The following KIF6 variants were observed in gnomAD, a reference collection of about 807,000 sequenced individuals.
KIF6 encodes kinesin-like protein KIF6.
In KIF6, 106 loss-of-function variants were observed where a neutral mutation model predicts 112.7. The ratio of observed to expected loss-of-function variants is 0.94; its 90% CI spans 0.80 to 1.11. The LOEUF is 1.11. KIF6 is among the 50% of genes least tolerant of loss of function. The pLI is 0.00. For synonymous variants in KIF6, 339 were observed against 339.9 expected (o/e 1.00, Z 0.03); for missense variants, 929 against 964.0 (o/e 0.96, Z 0.48).
chr6:39,358,510 G>GT (rs1764883363), intron 18 of KIF6, among the ~76,000 whole-genome samples: 1 of 152,220 alleles, frequency 6.6e-6, no homozygotes, highest in South Asian at 2.1e-4. Flanking sequence ...CGCTGTCTCT[G>GT]TAAGTCATAC....
intron 9 of KIF6, chr6:39,583,583 G>A (rs898691553): frequency 1.6e-5 from 7 of 427,782 alleles, no homozygotes. Context: ...ACAATCAAGA[G>A]GAAGTAATTA....
intron 13 of KIF6, among the ~76,000 whole-genome samples, chr6:39,512,432 A>C (rs1776836318): frequency 6.6e-6 from 1 of 152,144 alleles, no homozygotes; most frequent in African/African-American, 2.4e-5. Context: ...GGAGTCTCCA[A>C]GGCCTCCCAC....
chr6:39,489,366 A>G (rs1775322608), intron 13 of KIF6, among the ~76,000 whole-genome samples: 1 of 152,086 alleles, frequency 6.6e-6, no homozygotes, highest in Non-Finnish European at 1.5e-5. Context: ...GGTCATCGCA[A>G]TAGACTTTAG....
At chr6:39,472,709 C>T (rs1270176902) in intron 13 of KIF6, among the ~76,000 whole-genome samples, 1 of 152,140 alleles carries the variant, frequency 6.6e-6, no homozygotes, top group Admixed American at 6.5e-5. Flanking sequence ...AAATAAAATA[C>T]TCCAGGTTTT....
chr6:39,544,755 A>G (rs867770158), intron 11 of KIF6, 62 bp from the exon 12 acceptor site: 2 of 1,045,144 alleles, frequency 1.9e-6, no homozygotes, highest in Middle Eastern at 3.2e-4. Flanking sequence ...TGTTTCTTTG[A>G]CTCTTTTTCC....
At chr6:39,614,594 T>C (rs1783405050) in intron 5 of KIF6, among the ~76,000 whole-genome samples, 1 of 152,320 alleles carries the variant, frequency 6.6e-6, no homozygotes, top group South Asian at 2.1e-4. Context: ...CTGTGACCAA[T>C]ATGTCACTAA....
chr6:39,651,435 C>T (rs796600318), intron 3 of KIF6, among the ~76,000 whole-genome samples: 10 of 152,270 alleles, frequency 6.6e-5, no homozygotes, highest in African/African-American at 2.4e-4. Flanking sequence ...TGGCTGCCGT[C>T]AGTGTGGTGG....
chr6:39,666,354 A>T (rs542009736), intron 3 of KIF6, among the ~76,000 whole-genome samples: 103 of 152,336 alleles, frequency 6.8e-4, no homozygotes, highest in African/African-American at 2.5e-3. Flanking sequence ...ATAAACAAGC[A>T]TATCAGTTCT....
intron 13 of KIF6, among the ~76,000 whole-genome samples, chr6:39,440,168 C>T (rs1384368555): frequency 6.6e-6 from 1 of 151,884 alleles, no homozygotes; most frequent in Non-Finnish European, 1.5e-5. Flanking sequence ...GGGTTTGGAA[C>T]ACACTGTTTG....
intron 22 of KIF6, among the ~76,000 whole-genome samples, chr6:39,336,813 C>CTTTCTTTCT (rs1216553803): frequency 0.015 from 2,229 of 151,744 alleles, 61 homozygotes; most frequent in African/African-American, 0.05. Flanking sequence ...TTCTTTCTTT[C>CTTTCTTTCT]TTTTTTTTGA....
intron 2 of KIF6, among the ~76,000 whole-genome samples, chr6:39,719,923 C>T (rs955904121): frequency 2.0e-5 from 3 of 151,958 alleles, no homozygotes; most frequent in African/African-American, 7.3e-5. Flanking sequence ...TTCAAGGCCA[C>T]AGTGAACTAT....
In KIF6 at chr6:39,431,987, G is replaced by T. The variant is rs114560687; in HGVS notation, c.1646-826C>A. Among the ~76,000 whole-genome samples, 601 of 151,618 alleles carry T rather than the reference G, an allele frequency of 4.0e-3. 3 individuals carry two copies. The highest frequency in any genetic ancestry group is 0.014 in the African/African-American group (564 of 41,280). On this transcript the variant is annotated intron_variant, in intron 13 of 22. Coordinates refer to ENST00000287152, the MANE Select transcript of KIF6 (RefSeq NM_145027.6). ...TTTTTTTTTAATGCTTCTGCCCTTG[G>T]TTCCTTTGCCTGGGAGGCCTTTTCT...
intron 3 of KIF6, among the ~76,000 whole-genome samples, chr6:39,651,702 A>T (rs939860503): frequency 6.6e-6 from 1 of 152,204 alleles, no homozygotes; most frequent in African/African-American, 2.4e-5. Context: ...TTTTGGGAAA[A>T]TTCAAACACA....
intron 13 of KIF6, among the ~76,000 whole-genome samples, chr6:39,433,687 A>G (rs559832838): frequency 1.3e-5 from 2 of 152,340 alleles, no homozygotes; most frequent in East Asian, 3.9e-4. Context: ...AGGGAGGCCA[A>G]GGTGAGGTGG....
At chr6:39,698,806 A>G (rs1316636544) in intron 3 of KIF6, among the ~76,000 whole-genome samples, 3 of 152,254 alleles carry the variant, frequency 2.0e-5, no homozygotes, top group African/African-American at 4.8e-5. Flanking sequence ...ATATGCTACA[A>G]TTACATGAAC....
intron 10 of KIF6, among the ~76,000 whole-genome samples, chr6:39,575,418 C>A (rs374423952): frequency 9.7e-4 from 148 of 151,962 alleles, no homozygotes; most frequent in African/African-American, 2.8e-3. Flanking sequence ...CTACAGGCGC[C>A]CGCCACCACA....
chr6:39,437,228 G>A (rs1157508061), intron 13 of KIF6, among the ~76,000 whole-genome samples: 2 of 152,086 alleles, frequency 1.3e-5, no homozygotes, highest in Non-Finnish European at 2.9e-5. Flanking sequence ...GTAAACTGAG[G>A]CTTTACTGAA....
intron 13 of KIF6, among the ~76,000 whole-genome samples, chr6:39,463,759 TTAAA>T (rs1773621313): frequency 6.6e-6 from 1 of 152,190 alleles, no homozygotes; most frequent in Non-Finnish European, 1.5e-5. Flanking sequence ...TTGTCTTTTA[TTAAA>T]TAAAAATTCC....
chr6:39,686,502 T>C (rs1787877958), intron 3 of KIF6, among the ~76,000 whole-genome samples: 1 of 132,216 alleles, frequency 7.6e-6, no homozygotes, highest in Non-Finnish European at 1.7e-5. Context: ...CCAAGGTGAG[T>C]AGTTTGAGAA....
Sources: allele counts gnomAD v4.1 joint callset (sites outside exome capture counted in the v4.1 genomes callset), GRCh38; gene constraint gnomAD v4.1.1; transcripts MANE v1.5; gene names NCBI Gene and HGNC (gene_info 2026-07-23, HGNC 2026-07-21).